Variants in NELL2 observed in about 807,000 individuals in gnomAD.
The protein encoded by NELL2 is protein kinase C-binding protein NELL2.
In NELL2, 41 loss-of-function variants were observed where a neutral mutation model predicts 109.6. That is an observed-to-expected ratio of 0.37 (90% confidence interval 0.29 to 0.49). The LOEUF (loss-of-function observed/expected upper bound fraction) is 0.49. Among genes scored for constraint, NELL2 ranks in the 20% least tolerant of loss-of-function variants. NELL2 has a pLI of 0.98. For synonymous variants in NELL2, 355 were observed against 344.7 expected (o/e 1.03, Z -0.33); for missense variants, 900 against 1,008.3 (o/e 0.89, Z 1.45).
chr12:44,693,927 G>A (rs1948977941), intron 12 of NELL2, among the ~76,000 whole-genome samples: 5 of 152,088 alleles, frequency 3.3e-5, no homozygotes, highest in Admixed American at 3.3e-4. Context: ...TATTAATCCT[G>A]AAAGCTGTTT....
intron 2 of NELL2, among the ~76,000 whole-genome samples, chr12:44,861,019 C>T (rs932939469): frequency 1.3e-5 from 2 of 152,110 alleles, no homozygotes; most frequent in African/African-American, 4.8e-5. Context: ...CCTCATCCCC[C>T]TGATAGAAAC....
rs771161099 is a variant in NELL2 at position 44,716,287 on chromosome 12, C to A, written c.995-1546G>T. Among the ~76,000 whole-genome samples, 260 of 152,304 alleles carry A rather than the reference C, an allele frequency of 1.7e-3. 1 individual carries two copies. The highest frequency in any genetic ancestry group is 2.9e-3 in the Non-Finnish European group (197 of 68,018). ...TCATCCTCCAACTGATCTCCTTACA[C>A]AGCATTTATTAACAAATTTGACTAC... On this transcript the variant is annotated intron_variant, in intron 9 of 19. Transcript: ENST00000429094.
intron 15 of NELL2, among the ~76,000 whole-genome samples, chr12:44,575,969 T>TA (rs1340951298): frequency 2.6e-5 from 4 of 152,314 alleles, no homozygotes; most frequent in Non-Finnish European, 5.9e-5. Context: ...TACCTGCCTC[T>TA]AAAACCTCAT....
At chr12:44,808,556 G>T (rs1943077047) in intron 3 of NELL2, among the ~76,000 whole-genome samples, 1 of 151,916 alleles carries the variant, frequency 6.6e-6, no homozygotes, top group Admixed American at 6.6e-5. Context: ...ATTGGAGTTT[G>T]AAATTTTAAT....
intron 14 of NELL2, 70 bp downstream of exon 14, chr12:44,610,778 G>A: frequency 1.9e-6 from 3 of 1,591,698 alleles, no homozygotes; most frequent in Admixed American, 1.7e-5. Context: ...GTAATGATAA[G>A]GTGTAGAGGA....
At chr12:44,889,612 A>G (rs1414002157) in intron 1 of NELL2, among the ~76,000 whole-genome samples, 1 of 152,036 alleles carries the variant, frequency 6.6e-6, no homozygotes, top group African/African-American at 2.4e-5. Flanking sequence ...TGTTAACGTG[A>G]AAGGCTAAAT....
chr12:44,684,979 C>T (rs979624403), intron 12 of NELL2, among the ~76,000 whole-genome samples: 1 of 151,952 alleles, frequency 6.6e-6, no homozygotes, highest in African/African-American at 2.4e-5. Context: ...TCCTTGTTGA[C>T]TTTCTGTCTC....
chr12:44,746,189 A>G lies in NELL2; in HGVS notation c.994+28558T>C, dbSNP rs996991242. 1.8e-4 allele frequency among the ~76,000 whole-genome samples: 28 copies of G among 152,176 alleles called. 1 individual carries two copies. The highest frequency in any genetic ancestry group is 1.5e-5 in the Non-Finnish European group (1 of 68,022). Reference sequence around the variant, plus strand: ...CTTTGACAAACCTGACAAAAACAAGAAATGGGAAAAGGATTCCCTATTTAA... The same window carrying G: ...CTTTGACAAACCTGACAAAAACAAGGAATGGGAAAAGGATTCCCTATTTAA... On this transcript the variant is annotated intron_variant, in intron 9 of 19. Coordinates refer to ENST00000429094, the MANE Select transcript of NELL2 (RefSeq NM_001145108.2).
intron 1 of NELL2, among the ~76,000 whole-genome samples, chr12:44,886,051 C>A (rs1002327340): frequency 7.1e-6 from 1 of 141,282 alleles, no homozygotes; most frequent in African/African-American, 2.7e-5. Context: ...ATCTTTTGAA[C>A]AATGATGCCA....
chr12:44,877,616 T>C (rs1464071960), upstream of NELL2, among the ~76,000 whole-genome samples: 2 of 152,196 alleles, frequency 1.3e-5, no homozygotes, highest in South Asian at 2.1e-4. Flanking sequence ...ATTTTATCTA[T>C]AGATATATAG....
chr12:44,655,013 T>C (rs1416484518), intron 13 of NELL2, among the ~76,000 whole-genome samples: 1 of 152,206 alleles, frequency 6.6e-6, no homozygotes, highest in Non-Finnish European at 1.5e-5. Flanking sequence ...CAGGTGTCTG[T>C]TGCTAAGACA....
At chr12:44,572,559 A>G (rs1042054535) in intron 15 of NELL2, among the ~76,000 whole-genome samples, 4 of 152,226 alleles carry the variant, frequency 2.6e-5, no homozygotes, top group African/African-American at 7.2e-5. Flanking sequence ...TAGCTTTCAT[A>G]TTCACTCATT....
At position 44,714,741 on chromosome 12, in the gene NELL2, G is replaced by A. The variant is rs770854490; in HGVS notation, c.995C>T (p.Ser332Leu). Residue 332 changes from serine (S) to leucine (L), a missense_variant and splice_region_variant, in exon 10 of 20, where the codon TCG (serine) becomes TTG (leucine). Coordinates refer to ENST00000429094, the MANE Select transcript of NELL2 (RefSeq NM_001145108.2). Reference protein sequence around the residue: ...VDGKCCKECKSICQFQGRTYF... With the variant: ...VDGKCCKECKLICQFQGRTYF... ...GGTTCGTCCTTGAAATTGGCATATC[G>A]CTTTGGAGTAAAAAATACATATATA... is the stretch of plus-strand genomic sequence containing the variant. 13 of 1,579,052 alleles carry A rather than the reference G, an allele frequency of 8.2e-6. No individual in the cohort carries two copies. The highest frequency in any genetic ancestry group is 5.5e-5 in the African/African-American group (4 of 73,204).
chr12:44,897,550 G>T (rs539957649), intron 1 of NELL2, among the ~76,000 whole-genome samples: 1 of 152,142 alleles, frequency 6.6e-6, no homozygotes, highest in Non-Finnish European at 1.5e-5. Context: ...AAGGGAAGCC[G>T]TGAGGGACTG....
At chr12:44,545,935 G>GA (rs1194328616) in intron 15 of NELL2, among the ~76,000 whole-genome samples, 8 of 152,014 alleles carry the variant, frequency 5.3e-5, no homozygotes, top group East Asian at 1.9e-4. Context: ...ATTTCCAGAA[G>GA]AAAAAATCTG....
chr12:44,545,522 G>A (rs1009793903), intron 15 of NELL2, among the ~76,000 whole-genome samples: 4 of 152,010 alleles, frequency 2.6e-5, no homozygotes, highest in African/African-American at 4.8e-5. Context: ...CAGATAACAA[G>A]GTAAATATTA....
At position 44,683,946 on chromosome 12, in the gene NELL2, G is replaced by T. The variant is rs1337983620; in HGVS notation, c.1319-18337C>A. Among the ~76,000 whole-genome samples, 3 of 152,296 alleles carry T rather than the reference G, an allele frequency of 2.0e-5. 1 individual carries two copies. The highest frequency in any genetic ancestry group is 7.2e-5 in the African/African-American group (3 of 41,556). ...GATGCTGGCCTCATAAAATGAGTTA[G>T]GGAGGATTCCCTCTTTTTCTATTGA... On this transcript the variant is annotated intron_variant, in intron 12 of 19. Transcript: ENST00000429094.
chr12:44,611,612 T>C (rs1945626927), intron 13 of NELL2, among the ~76,000 whole-genome samples: 1 of 152,094 alleles, frequency 6.6e-6, no homozygotes, highest in Admixed American at 6.6e-5. Flanking sequence ...TAGTATCTGC[T>C]CTAACTGCTT....
intron 13 of NELL2, among the ~76,000 whole-genome samples, chr12:44,641,904 C>T (rs1197493962): frequency 6.6e-6 from 1 of 151,862 alleles, no homozygotes. Flanking sequence ...ACAGTATTGC[C>T]CAGGCTGGTC....
Sources: allele counts gnomAD v4.1 joint callset (sites outside exome capture counted in the v4.1 genomes callset), GRCh38; gene constraint gnomAD v4.1.1; transcripts MANE v1.5; gene names NCBI Gene and HGNC (gene_info 2026-07-23, HGNC 2026-07-21).